The following ACSF2 variants were observed in gnomAD, a reference collection of about 807,000 sequenced individuals.
ACSF2 encodes acyl-CoA synthetase family member 2.
A neutral mutation model predicts 79.3 loss-of-function variants in ACSF2; 52 were observed. That is an observed-to-expected ratio of 0.66 (90% CI 0.53 to 0.83). The LOEUF (loss-of-function observed/expected upper bound fraction) is 0.83, where lower values mean the gene tolerates loss of function less well. Ranked by LOEUF, ACSF2 falls within the 40% of genes least tolerant of loss-of-function variation. ACSF2 has a pLI of 0.00. For missense variants in ACSF2, 661 were observed against 803.3 expected (o/e 0.82, Z 2.14); for synonymous variants, 283 against 312.6 (o/e 0.91, Z 1.00).
chr17:50,454,169 ATTT>A (rs34569538), intron 1 of ACSF2, among the ~76,000 whole-genome samples: 21 of 113,050 alleles, frequency 1.9e-4, no homozygotes, highest in Non-Finnish European at 1.9e-4. Flanking sequence ...ACCGTCCCAA[ATTT>A]TTTTTTTTTT....
chr17:50,427,952 C>T (rs1207461853), intron 1 of ACSF2, among the ~76,000 whole-genome samples: 1 of 152,166 alleles, frequency 6.6e-6, no homozygotes, highest in African/African-American at 2.4e-5. Flanking sequence ...CTGCCCCTTC[C>T]ACTCCCTTGT....
chr17:50,468,336 G>C lies in ACSF2; in HGVS notation c.1216-2692G>C, dbSNP rs757804150. On this transcript the variant is annotated intron_variant, in intron 10 of 15. Transcript: ENST00000300441. Reference sequence around the variant, plus strand: ...TGGAAGGCGCCTGCGCGCAGCTCACGGATCTTGTTGTTGTTGAGCTGCAAG... The same window carrying C: ...TGGAAGGCGCCTGCGCGCAGCTCACCGATCTTGTTGTTGTTGAGCTGCAAG... The C allele has an allele frequency of 4.5e-5, 72 of 1,614,082 alleles. No homozygotes were observed. The highest frequency in any genetic ancestry group is 5.8e-5 in the Non-Finnish European group (69 of 1,180,046).
At chr17:50,444,212 G>A (rs895435018) in intron 1 of ACSF2, among the ~76,000 whole-genome samples, 2 of 151,970 alleles carry the variant, frequency 1.3e-5, no homozygotes, top group Non-Finnish European at 2.9e-5. Context: ...TTTTGGCCCC[G>A]GTGGTGTAAT....
In ACSF2 at chr17:50,471,053, G is replaced by A; in HGVS notation, c.1241G>A (p.Ser414Asn). The part of the protein sequence containing the change: ...LVVAYGTTEN[S>N]PVTFAHFPED... ...GTTGCTTATGGAACCACAGAGAACA[G>A]TCCCGTGACATTCGCGCACTTCCCT... The change falls in exon 11 of 16, where the codon AGT becomes AAT. Residue 414 changes from serine (S) to asparagine (N), a missense_variant. By Grantham distance (46) the Ser-to-Asn change is conservative. Coordinates refer to ENST00000300441, the MANE Select transcript of ACSF2 (RefSeq NM_025149.6). This position sits in a 1 kb window ranked among gnomAD's most constrained non-coding sequence, Gnocchi z 4.1. 6.2e-7 allele frequency: 1 copy of A among 1,614,090 alleles called. No individual in the cohort carries two copies. Among genetic ancestry groups the A allele is most frequent in the Non-Finnish European group, 8.5e-7 (1 of 1,180,012 alleles).
At chr17:50,442,205 T>C (rs969531518) in intron 1 of ACSF2, among the ~76,000 whole-genome samples, 33 of 152,050 alleles carry the variant, frequency 2.2e-4, no homozygotes, top group African/African-American at 7.5e-4. Flanking sequence ...TTTGGGAGGC[T>C]AAGGCAGGAG....
chr17:50,428,337 G>A (rs1050326166), intron 1 of ACSF2, among the ~76,000 whole-genome samples: 4 of 151,958 alleles, frequency 2.6e-5, no homozygotes, highest in African/African-American at 7.3e-5. Context: ...AAAATCAGCC[G>A]GGCGTGGTGG....
At position 50,463,135 on chromosome 17, in the gene ACSF2, A is replaced by T; in HGVS notation, c.793-21A>T. 6.2e-7 allele frequency: 1 copy of T among 1,607,266 alleles called. No individual in the cohort carries two copies. The highest frequency in any genetic ancestry group is 8.5e-7 in the Non-Finnish European group (1 of 1,174,226). ...AAGGAGATGAGAAGGAGGCCAAGCC[A>T]TGCCCTGTTTGCCTTGTCAGGGGAC... On this transcript the variant is annotated intron_variant, in intron 6 of 15. Coordinates refer to ENST00000300441, the MANE Select transcript of ACSF2 (RefSeq NM_025149.6). This position sits in a 1 kb window ranked among gnomAD's most constrained non-coding sequence, Gnocchi z 4.6.
chr17:50,455,157 A>G (rs1017468627), intron 1 of ACSF2, among the ~76,000 whole-genome samples: 1 of 151,956 alleles, frequency 6.6e-6, no homozygotes, highest in African/African-American at 2.4e-5. Context: ...TTATTTTTGT[A>G]TTTTTAGTAG....
At chr17:50,455,060 G>A (rs1410303652) in intron 1 of ACSF2, among the ~76,000 whole-genome samples, 3 of 152,208 alleles carry the variant, frequency 2.0e-5, no homozygotes, top group Non-Finnish European at 4.4e-5. Flanking sequence ...TTGGCTCACT[G>A]CAACCTCCGC....
intron 10 of ACSF2, among the ~76,000 whole-genome samples, chr17:50,466,746 C>T (rs1043374701): frequency 2.3e-4 from 35 of 152,226 alleles, no homozygotes; most frequent in African/African-American, 8.2e-4. Flanking sequence ...TGGACGGCTC[C>T]AGAGGAAATG....
Position 50,471,370 on chromosome 17 carries a change from G to A in ACSF2, c.1323+235G>A, listed in dbSNP as rs551124155. 10 of 532,044 alleles carry A rather than the reference G, an allele frequency of 1.9e-5. No homozygotes were observed. The highest frequency in any genetic ancestry group is 1.3e-4 in the East Asian group (4 of 31,240). 33.0% of individuals were successfully genotyped at this position (532,044 alleles called of 1,614,324 possible). On this transcript the variant is annotated intron_variant, in intron 11 of 15. Coordinates refer to ENST00000300441, the MANE Select transcript of ACSF2 (RefSeq NM_025149.6). This position sits in a 1 kb window ranked among gnomAD's most constrained non-coding sequence, Gnocchi z 4.1. ...GCGGCTGCCAGCTGAACTTCTCCGC[G>A]GCCTCCCTTCCTGTCTGAGGTGTGT...
At chr17:50,450,273 G>T (rs1013635086) in intron 1 of ACSF2, 1 of 152,502 alleles carries the variant, frequency 6.6e-6, no homozygotes, top group African/African-American at 2.4e-5. Flanking sequence ...GCCGAGGCAG[G>T]TGGATCACTT....
In ACSF2 at chr17:50,462,497, C is replaced by A. The variant is rs147483243; in HGVS notation, c.704C>A (p.Ala235Asp). The change falls in exon 6 of 16, where the codon GCT (alanine) becomes GAT (aspartate). Residue 235 changes from alanine to aspartate, a missense_variant. Ala to Asp is a moderately radical substitution (Grantham distance 126). Coordinates refer to ENST00000300441, the MANE Select transcript of ACSF2 (RefSeq NM_025149.6). ...GTLLLDEVVAAGSTRQHLDQL... is the reference protein window; with the variant it reads ...GTLLLDEVVADGSTRQHLDQL... ...CTGCTCCTGGATGAAGTGGTGGCGG[C>A]TGGCAGCACACGGCAGCATCTGGAC... 1.3e-3 allele frequency: 2,095 copies of A among 1,613,956 alleles called. 1 individual carries two copies. The highest frequency in any genetic ancestry group is 1.6e-3 in the Non-Finnish European group (1,938 of 1,180,004).
chr17:50,464,930 T>G, intron 10 of ACSF2: 1 of 348,176 alleles, frequency 2.9e-6, no homozygotes. Flanking sequence ...CGTGTCTAGG[T>G]GTAGGCAGCT....
rs775265449 is a variant in ACSF2 at position 50,426,375 on chromosome 17, T to C, written c.114T>C (p.Gly38=). Residue 38 remains glycine, a synonymous_variant, in exon 1 of 16, where the codon GGT becomes GGC. Coordinates refer to ENST00000300441, the MANE Select transcript of ACSF2 (RefSeq NM_025149.6). ...GTTGGCAGGAAGCCAGGTTGCAGGG[T>C]GTCCGCTTCCTCAGGTACTGGCCCC... ...SRSWQEARLQ[G]VRFLSSREVD... The C allele has an allele frequency of 2.2e-6, 3 of 1,384,444 alleles. No individual in the cohort carries two copies. The Admixed American group carries it at 9.1e-5, about 42-fold the overall frequency. 85.8% of individuals were successfully genotyped at this position (1,384,444 alleles called of 1,614,324 possible). A position where few individuals can be genotyped will look rare whatever the true frequency, so the allele number is the denominator to read the frequency against.
chr17:50,474,319 T>C lies in ACSF2; in HGVS notation c.1797+52T>C, dbSNP rs754495863. On this transcript the variant is annotated intron_variant, in intron 15 of 15. Coordinates refer to ENST00000300441, the MANE Select transcript of ACSF2 (RefSeq NM_025149.6). The surrounding 1 kb of genome is among the most constrained non-coding windows in gnomAD (Gnocchi z 4.2). ...GGGCAGCCTGGGCTCTGGGGCCCCA[T>C]AGGGCCCCACCTCTGTTTCCTTCAG... 5.0e-6 allele frequency: 8 copies of C among 1,592,912 alleles called. No homozygotes were observed. In the East Asian group the frequency reaches 8.9e-5, roughly 18 times the overall value.
intron 1 of ACSF2, among the ~76,000 whole-genome samples, chr17:50,441,193 T>C (rs1422824120): frequency 6.6e-6 from 1 of 152,210 alleles, no homozygotes; most frequent in Non-Finnish European, 1.5e-5. Context: ...CTGAGAGTAA[T>C]GTGAGAATCA....
At chr17:50,444,270 T>A (rs2031143470) in intron 1 of ACSF2, among the ~76,000 whole-genome samples, 1 of 152,146 alleles carries the variant, frequency 6.6e-6, no homozygotes, top group Non-Finnish European at 1.5e-5. Flanking sequence ...TATCAGCCAC[T>A]GGCTGGGCGC....
At chr17:50,462,684 C>A in intron 6 of ACSF2, 99 bp downstream of exon 6, 6 of 1,385,228 alleles carry the variant, frequency 4.3e-6, no homozygotes, top group South Asian at 1.3e-5. Context: ...GGAGAGCATG[C>A]CTTCTTTACT....
Sources: allele counts gnomAD v4.1 joint callset (sites outside exome capture counted in the v4.1 genomes callset), GRCh38; gene constraint gnomAD v4.1.1; non-coding constraint Gnocchi (gnomAD v3.1); transcripts MANE v1.5; gene names NCBI Gene and HGNC (gene_info 2026-07-23, HGNC 2026-07-21).